The following RARS2 variants were observed in gnomAD, a reference collection of about 807,000 sequenced individuals.
The protein encoded by RARS2 is arginyl-tRNA synthetase 2, mitochondrial.
RARS2 carries 67 observed loss-of-function variants against 88.5 expected under a neutral mutation model. That is an observed-to-expected ratio of 0.76 (90% confidence interval 0.62 to 0.93). The LOEUF (loss-of-function observed/expected upper bound fraction) is 0.93. RARS2 is among the 40% of genes least tolerant of loss of function. RARS2 has a pLI of 0.00. For missense variants in RARS2, 664 were observed against 684.2 expected (o/e 0.97, Z 0.33); for synonymous variants, 239 against 230.3 (o/e 1.04, Z -0.34).
intron 8 of RARS2, among the ~76,000 whole-genome samples, chr6:87,531,529 A>T (rs1171959203): frequency 6.6e-6 from 1 of 152,212 alleles, no homozygotes; most frequent in African/African-American, 2.4e-5. Context: ...ACAATAGGTG[A>T]TCTTGGTAAA....
At chr6:87,562,192 T>A (rs1366114907) in intron 4 of RARS2, among the ~76,000 whole-genome samples, 1 of 152,136 alleles carries the variant, frequency 6.6e-6, no homozygotes, top group Non-Finnish European at 1.5e-5. Flanking sequence ...CGGGCTCAAG[T>A]GATCCTCCTG....
Position 87,530,206 on chromosome 6 carries a change from CTCT to C in RARS2, c.772-561_772-559del, listed in dbSNP as rs541666924. The stretch of plus-strand genomic sequence containing the variant: ...AGAATCATGCCCCATATGCTACTAG[CTCT>C]TCAACCTTCTCCTGTCGTTCATCTT... On this transcript the variant is annotated intron_variant, in intron 9 of 19. Coordinates refer to ENST00000369536, the MANE Select transcript of RARS2 (RefSeq NM_020320.5). Among the ~76,000 whole-genome samples the C allele has an allele frequency of 5.3e-5, 8 of 152,290 alleles. No individual in the cohort carries two copies. In the South Asian group the frequency reaches 1.7e-3, roughly 32 times the overall value.
rs570969280 is a variant in RARS2, at chr6:87,538,126, CAT to C, written c.612+3790_612+3791del. ...ATGAAAACAGAGTCTATAAAATTTG[CAT>C]ATATAATAACCTGTAGGCTGCCATT... On this transcript the variant is annotated intron_variant, in intron 8 of 19. Transcript: ENST00000369536. 2.7e-3 allele frequency among the ~76,000 whole-genome samples: 404 copies of C among 152,228 alleles called. 1 individual carries two copies. Among genetic ancestry groups the C allele is most frequent in the African/African-American group, 8.7e-3 (363 of 41,538 alleles).
chr6:87,539,634 G>A (rs62417673), intron 8 of RARS2, among the ~76,000 whole-genome samples: 9,387 of 152,244 alleles, frequency 0.062, 348 homozygotes, highest in African/African-American at 0.11. Flanking sequence ...TACAGAATGT[G>A]AGGTTCCGTT....
chr6:87,588,626 T>C (rs28381452), intron 1 of RARS2, among the ~76,000 whole-genome samples: 11,237 of 152,234 alleles, frequency 0.074, 600 homozygotes, highest in African/African-American at 0.15. Context: ...CCTCCCACCT[T>C]GGCCTCCCAA....
intron 1 of RARS2, among the ~76,000 whole-genome samples, chr6:87,580,068 C>T (rs1288046831): frequency 6.6e-6 from 1 of 152,126 alleles, no homozygotes; most frequent in Non-Finnish European, 1.5e-5. Context: ...CACTTGTATT[C>T]TCACAGGTTT....
At chr6:87,549,817 C>T (rs772230509) in intron 5 of RARS2, among the ~76,000 whole-genome samples, 39 of 152,172 alleles carry the variant, frequency 2.6e-4, no homozygotes, top group Non-Finnish European at 4.1e-4. Context: ...ACTGGGACAA[C>T]GAAGAGAGAT....
rs1246137209 is a variant in RARS2, at chr6:87,516,836, C to A, written c.1556G>T (p.Arg519Met). ...AGTTAGAAGGTAACTGACGATATGCCTGGGTTGAAAGTCCTGAGATGATTT... is the reference window on the plus strand; with the variant it reads ...AGTTAGAAGGTAACTGACGATATGCATGGGTTGAAAGTCCTGAGATGATTT... Reference protein sequence around the residue: ...LYKSSQDFQPRHIVSYLLTLS... With the variant: ...LYKSSQDFQPMHIVSYLLTLS... The change falls in exon 18 of 20, where the codon AGG (arginine) becomes ATG (methionine). Residue 519 changes from arginine to methionine, a missense_variant. Coordinates refer to ENST00000369536, the MANE Select transcript of RARS2 (RefSeq NM_020320.5). The A allele has an allele frequency of 1.2e-6, 2 of 1,613,744 alleles. No individual in the cohort carries two copies. Among genetic ancestry groups the A allele is most frequent in the African/African-American group, 2.7e-5 (2 of 74,980 alleles).
At chr6:87,517,015 A>C in intron 17 of RARS2, 135 bp from the exon 18 acceptor site, 2 of 1,350,528 alleles carry the variant, frequency 1.5e-6, no homozygotes, top group Non-Finnish European at 1.0e-6. Context: ...GCAGTGTCTC[A>C]CGTCTGTAAT....
At chr6:87,542,076 A>G (rs572306770) in intron 7 of RARS2, 82 bp from the exon 8 acceptor site, 2 of 1,061,882 alleles carry the variant, frequency 1.9e-6, no homozygotes, top group African/African-American at 3.1e-5. Context: ...ATAATTCTAT[A>G]AAAAGACCAA....
At chr6:87,519,339 T>A (rs1582274710) in intron 14 of RARS2, 1 of 452,316 alleles carries the variant, frequency 2.2e-6, no homozygotes, top group East Asian at 4.7e-5. Flanking sequence ...GACAACAGAA[T>A]GTCAGTGCTC....
chr6:87,578,958 CAAAAAA>C (rs72383675), intron 1 of RARS2, among the ~76,000 whole-genome samples: 56 of 41,882 alleles, frequency 1.3e-3, no homozygotes, highest in African/African-American at 4.9e-3. Context: ...GAGACTGTCT[CAAAAAA>C]AAAAAAAAAA....
chr6:87,526,578 G>A (rs13210643), intron 10 of RARS2, among the ~76,000 whole-genome samples: 9,626 of 146,344 alleles, frequency 0.066, 386 homozygotes, highest in African/African-American at 0.12. Context: ...ACAAACTATA[G>A]TAATCAAAAC....
intron 4 of RARS2, among the ~76,000 whole-genome samples, chr6:87,559,554 T>C (rs1484656375): frequency 6.6e-6 from 1 of 151,916 alleles, no homozygotes; most frequent in African/African-American, 2.4e-5. Context: ...ACAGCAGTGT[T>C]ATCCTAGTTC....
At chr6:87,588,773 G>A (rs1775999526) in intron 1 of RARS2, among the ~76,000 whole-genome samples, 1 of 152,092 alleles carries the variant, frequency 6.6e-6, no homozygotes. Context: ...TCAGATCAGA[G>A]TCCAACCCTA....
rs565194240 is a variant in RARS2 at position 87,521,595 on chromosome 6, T to C, written c.975-71A>G. 9 of 1,144,130 alleles carry C rather than the reference T, an allele frequency of 7.9e-6. No homozygotes were observed. The Admixed American group carries it at 1.4e-4, about 17-fold the overall frequency. The allele number at this position is 1,144,130 out of a possible 1,614,324, so 70.9% of individuals were successfully genotyped here. On this transcript the variant is annotated intron_variant, in intron 11 of 19. Transcript: ENST00000369536. ...GTAATAATTGGTCTTACCTATTTAA[T>C]AGCAATGAGCATTTTCTAATTAAGA...
At position 87,514,965 on chromosome 6, in the gene RARS2, C is replaced by A. The variant is rs752622233; in HGVS notation, c.1642G>T (p.Val548Leu). The A allele has an allele frequency of 1.3e-5, 21 of 1,611,800 alleles. No homozygotes were observed. The highest frequency in any genetic ancestry group is 1.6e-5 in the Non-Finnish European group (19 of 1,178,008). Residue 548 changes from valine to leucine, a missense_variant, in exon 19 of 20, where the codon GTG becomes TTG. Val to Leu is a conservative substitution (Grantham distance 32). Coordinates refer to ENST00000369536, the MANE Select transcript of RARS2 (RefSeq NM_020320.5). Reference sequence around the variant, plus strand: ...CATTCAACATAACGTACCCCAGCCACTTCAGGAGGACTATCTTTTATTTGT... The same window carrying A: ...CATTCAACATAACGTACCCCAGCCAATTCAGGAGGACTATCTTTTATTTGT... ...TLQIKDSPPEVAGARLHLFKA... is the reference protein window; with the variant it reads ...TLQIKDSPPELAGARLHLFKA...
intron 1 of RARS2, among the ~76,000 whole-genome samples, chr6:87,583,775 G>C (rs1774304256): frequency 6.6e-6 from 1 of 152,182 alleles, no homozygotes; most frequent in Admixed American, 6.5e-5. Flanking sequence ...AGCTAGGTTA[G>C]TAGTTCAACT....
chr6:87,545,603 C>G lies in RARS2; in HGVS notation c.535+13G>C, dbSNP rs1782383981. Reference sequence around the variant, plus strand: ...TACAATGAAATGAAAAATAAAATCTCAAGTGTACTTACCAAACTGCATGCC... The same window carrying G: ...TACAATGAAATGAAAAATAAAATCTGAAGTGTACTTACCAAACTGCATGCC... On this transcript the variant is annotated intron_variant, in intron 7 of 19. Transcript: ENST00000369536. The G allele has an allele frequency of 1.2e-6, 2 of 1,613,018 alleles. No homozygotes were observed. Among genetic ancestry groups the G allele is most frequent in the Non-Finnish European group, 1.7e-6 (2 of 1,179,580 alleles).
Sources: allele counts gnomAD v4.1 joint callset (sites outside exome capture counted in the v4.1 genomes callset), GRCh38; gene constraint gnomAD v4.1.1; transcripts MANE v1.5; gene names NCBI Gene and HGNC (gene_info 2026-07-23, HGNC 2026-07-21).